The following TNKS variants were observed in gnomAD, a reference collection of about 807,000 sequenced individuals.
The protein encoded by TNKS is tankyrase.
A neutral mutation model predicts 135.8 loss-of-function variants in TNKS; 72 were observed. The ratio of observed to expected loss-of-function variants is 0.53; its 90% CI spans 0.44 to 0.64. The LOEUF is 0.64. Ranked by LOEUF, TNKS falls within the 30% of genes least tolerant of loss-of-function variation. The pLI is 0.00. For synonymous variants in TNKS, 849 were observed against 649.3 expected (o/e 1.31, Z -4.68); for missense variants, 1,769 against 1,674.0 (o/e 1.06, Z -0.99).
At chr8:9,589,724 G>A (rs1043218410) in intron 2 of TNKS, among the ~76,000 whole-genome samples, 6 of 152,270 alleles carry the variant, frequency 3.9e-5, no homozygotes, top group East Asian at 1.9e-4. Flanking sequence ...TGGGAGCCAC[G>A]TGGGTGAGGA....
At chr8:9,656,500 G>T (rs1334690981) in intron 3 of TNKS, among the ~76,000 whole-genome samples, 1 of 151,990 alleles carries the variant, frequency 6.6e-6, no homozygotes, top group African/African-American at 2.4e-5. Context: ...GAAAGGTCGG[G>T]TTACCCACAA....
At chr8:9,622,438 T>A (rs570315702) in intron 3 of TNKS, among the ~76,000 whole-genome samples, 1 of 152,318 alleles carries the variant, frequency 6.6e-6, no homozygotes, top group East Asian at 1.9e-4. Flanking sequence ...AATGAAGCTG[T>A]GAAGTAGATA....
chr8:9,733,549 G>A (rs1215804556), intron 15 of TNKS, 105 bp downstream of exon 15: 12 of 884,174 alleles, frequency 1.4e-5, no homozygotes, highest in Non-Finnish European at 1.7e-5. Context: ...CAATACTGCT[G>A]TAGAGACTGC....
At chr8:9,591,958 A>G (rs1364604481) in intron 2 of TNKS, among the ~76,000 whole-genome samples, 1 of 152,222 alleles carries the variant, frequency 6.6e-6, no homozygotes, top group Non-Finnish European at 1.5e-5. Context: ...GCTTTCTAAC[A>G]ACTTGCTTAG....
chr8:9,633,166 C>T (rs1800364103), intron 3 of TNKS, among the ~76,000 whole-genome samples: 1 of 152,182 alleles, frequency 6.6e-6, no homozygotes, highest in Non-Finnish European at 1.5e-5. Context: ...TTTTACTCTT[C>T]CTTCCAAAAA....
intron 26 of TNKS, among the ~76,000 whole-genome samples, chr8:9,774,420 T>G (rs1429877301): frequency 6.6e-6 from 1 of 152,176 alleles, no homozygotes; most frequent in Non-Finnish European, 1.5e-5. Context: ...TGTTAGGGAT[T>G]TGGATTAAGA....
intron 17 of TNKS, among the ~76,000 whole-genome samples, chr8:9,745,230 A>T (rs1026139301): frequency 6.6e-6 from 1 of 152,224 alleles, no homozygotes; most frequent in South Asian, 2.1e-4. Flanking sequence ...TTTTGATAAT[A>T]CCACGAGTGG....
intron 3 of TNKS, among the ~76,000 whole-genome samples, chr8:9,649,694 G>C (rs1302121969): frequency 2.7e-5 from 4 of 150,824 alleles, no homozygotes; most frequent in African/African-American, 4.9e-5. Flanking sequence ...ATATAGCTTA[G>C]CTACTACTTA....
Position 9,628,513 on chromosome 8 carries a change from C to G in TNKS, c.994+12836C>G, listed in dbSNP as rs191340744. Among the ~76,000 whole-genome samples, 142 of 151,632 alleles carry G rather than the reference C, an allele frequency of 9.4e-4. 1 individual carries two copies. The highest frequency in any genetic ancestry group is 4.3e-4 in the Non-Finnish European group (29 of 67,948). Reference sequence around the variant, plus strand: ...ATGACTTGCAAGGTACAAATTCCTCCTGCTTTTTTTTTTCTCTCATTTCAT... The same window carrying G: ...ATGACTTGCAAGGTACAAATTCCTCGTGCTTTTTTTTTTCTCTCATTTCAT... On this transcript the variant is annotated intron_variant, in intron 3 of 26. Coordinates refer to ENST00000310430, the MANE Select transcript of TNKS (RefSeq NM_003747.3).
chr8:9,586,922 A>G (rs1013910819), intron 2 of TNKS, among the ~76,000 whole-genome samples: 1 of 152,140 alleles, frequency 6.6e-6, no homozygotes, highest in Non-Finnish European at 1.5e-5. Context: ...GAGTCGGCGT[A>G]CCTGGAGAGT....
intron 17 of TNKS, among the ~76,000 whole-genome samples, 153 bp from the exon 18 acceptor site, chr8:9,747,871 G>A (rs1330106630): frequency 2.0e-5 from 3 of 152,168 alleles, no homozygotes; most frequent in Non-Finnish European, 4.4e-5. Context: ...GTAAGTAGAA[G>A]ACTGAAATAC....
At chr8:9,763,057 T>C (rs1807231931) in intron 21 of TNKS, 90 bp from the exon 22 acceptor site, 2 of 583,676 alleles carry the variant, frequency 3.4e-6, no homozygotes, top group Non-Finnish European at 5.2e-6. Flanking sequence ...CAATTACTTA[T>C]TATGAATTTT....
At chr8:9,675,906 A>G (rs957281626) in intron 3 of TNKS, among the ~76,000 whole-genome samples, 2 of 152,148 alleles carry the variant, frequency 1.3e-5, no homozygotes, top group Admixed American at 1.3e-4. Context: ...GACACGGAGA[A>G]AGGGTGACTT....
chr8:9,764,213 G>A (rs923585335), intron 22 of TNKS, among the ~76,000 whole-genome samples: 1 of 152,030 alleles, frequency 6.6e-6, no homozygotes, highest in Non-Finnish European at 1.5e-5. Flanking sequence ...AGAGTAGTCA[G>A]AAGACAGTTA....
In TNKS at chr8:9,680,816, T is replaced by A. The variant is rs1198336818; in HGVS notation, c.1107+16T>A. 6.2e-7 allele frequency: 1 copy of A among 1,603,306 alleles called. No homozygotes were observed. Among genetic ancestry groups the A allele is most frequent in the East Asian group, 2.2e-5 (1 of 44,650 alleles). On this transcript the variant is annotated intron_variant, in intron 5 of 26. Transcript: ENST00000310430. The stretch of plus-strand genomic sequence containing the variant: ...TGGGCGAAAGGTAAGTTATTTTAAA[T>A]ACAATCCTCTTTAATTGCAATGCTT...
intron 3 of TNKS, among the ~76,000 whole-genome samples, chr8:9,620,747 T>C (rs1423823178): frequency 6.6e-6 from 1 of 152,242 alleles, no homozygotes; most frequent in Non-Finnish European, 1.5e-5. Context: ...GTTAAATCTC[T>C]AGTTCAAACG....
intron 17 of TNKS, among the ~76,000 whole-genome samples, chr8:9,735,845 T>A (rs1281386536): frequency 6.6e-6 from 1 of 152,046 alleles, no homozygotes; most frequent in East Asian, 1.9e-4. Flanking sequence ...AAAACTTCCC[T>A]GGCATTTACG....
chr8:9,698,530 A>T (rs957736443), intron 5 of TNKS, among the ~76,000 whole-genome samples: 10 of 152,126 alleles, frequency 6.6e-5, no homozygotes, highest in Non-Finnish European at 1.2e-4. Flanking sequence ...TGTGATAGGG[A>T]TTACACTTCC....
At chr8:9,657,264 T>A (rs1332086037) in intron 3 of TNKS, among the ~76,000 whole-genome samples, 2,041 of 76,764 alleles carry the variant, frequency 0.027, no homozygotes, top group Admixed American at 0.039. Context: ...CCCCCCCACC[T>A]CCCTCCCGGA....
Sources: allele counts gnomAD v4.1 joint callset (sites outside exome capture counted in the v4.1 genomes callset), GRCh38; gene constraint gnomAD v4.1.1; transcripts MANE v1.5; gene names NCBI Gene and HGNC (gene_info 2026-07-23, HGNC 2026-07-21).